The following HOXA3 variants were observed in gnomAD, a reference collection of about 807,000 sequenced individuals.
HOXA3 encodes homeobox A3, also known as homeobox protein Hox-A3.
A neutral mutation model predicts 30.3 loss-of-function variants in HOXA3; 8 were observed. The observed-to-expected ratio is 0.26, with a 90% CI of 0.15 to 0.48. HOXA3 has a LOEUF of 0.48. HOXA3 is among the 20% of genes least tolerant of loss of function. The pLI, the probability that HOXA3 is intolerant of heterozygous loss-of-function variation, is 0.99. For synonymous variants in HOXA3, 323 were observed against 273.1 expected (o/e 1.18, Z -1.80); for missense variants, 653 against 614.4 (o/e 1.06, Z -0.66).
At chr7:27,151,807 C>A (rs146378191) in intron 1 of HOXA3, 25 of 398,036 alleles carry the variant, frequency 6.3e-5, no homozygotes, top group Non-Finnish European at 1.1e-4. Context: ...CTCTTCCCAC[C>A]TTCCCAGGTC....
chr7:27,151,929 T>C (rs551155215), intron 1 of HOXA3, among the ~76,000 whole-genome samples: 9 of 152,126 alleles, frequency 5.9e-5, no homozygotes, highest in African/African-American at 2.2e-4. Flanking sequence ...GCCGGGCCAC[T>C]TCCTTTTGGG....
At chr7:27,138,105 C>T (rs1378938095) in intron 2 of HOXA3, among the ~76,000 whole-genome samples, 3 of 152,180 alleles carry the variant, frequency 2.0e-5, no homozygotes, top group African/African-American at 4.8e-5. Context: ...AGACACATAA[C>T]ATTATAAAAG....
intron 1 of HOXA3, chr7:27,142,904 G>C: frequency 1.3e-6 from 1 of 744,100 alleles, no homozygotes; most frequent in Non-Finnish European, 2.2e-6. Context: ...AGGAAGGCAG[G>C]GGAGGGAGAA....
rs375328758 is a variant in HOXA3, at chr7:27,134,573, G to A, written c.-390+5510C>T. 4.6e-5 allele frequency among the ~76,000 whole-genome samples: 7 copies of A among 152,290 alleles called. No homozygotes were observed. In the East Asian group the frequency reaches 5.8e-4, roughly 13 times the overall value. On this transcript the variant is annotated intron_variant, in intron 2 of 5. Transcript: ENST00000612286. ...CACGTAATTGTCTTGTTGACTCATC[G>A]AGGGGTTTCAGTTTTCCTCATTTCA...
rs1562714438 is a variant in HOXA3, at chr7:27,114,827, A to AT, written c.-120-4068_-120-4067insA. On this transcript the variant is annotated intron_variant, in intron 4 of 5. Coordinates refer to ENST00000612286, the MANE Select transcript of HOXA3 (RefSeq NM_153631.3). ...ATTCCTAAAACATACATATATATAT[A>AT]ATATATATTATATATATAATATATA... 4.1e-5 allele frequency among the ~76,000 whole-genome samples: 4 copies of AT among 98,498 alleles called. 1 individual carries two copies. Among genetic ancestry groups the AT allele is most frequent in the South Asian group, 2.9e-4 (1 of 3,414 alleles). 64.6% of individuals were successfully genotyped at this position (98,498 alleles called of 152,430 possible). A position where few individuals can be genotyped will look rare whatever the true frequency, so the allele number is the denominator to read the frequency against.
At chr7:27,141,139 C>CAAAAAAA in intron 1 of HOXA3, 1 of 122,208 alleles carries the variant, frequency 8.2e-6, no homozygotes, top group African/African-American at 3.1e-5. Flanking sequence ...AAAAAAAAAG[C>CAAAAAAA]TGATCACAGT....
intron 1 of HOXA3, chr7:27,143,432 G>A (rs1420599325): frequency 6.2e-7 from 1 of 1,612,986 alleles, no homozygotes; most frequent in Admixed American, 1.7e-5. Context: ...GCCGGAGCCC[G>A]AGCGGCCGAC....
At chr7:27,143,805 T>G in intron 1 of HOXA3, 5 of 1,009,192 alleles carry the variant, frequency 5.0e-6, no homozygotes, top group East Asian at 3.5e-5. Context: ...TGATGACCTC[T>G]AGAGGTAAAC....
chr7:27,131,206 C>T (rs939076815), intron 2 of HOXA3, among the ~76,000 whole-genome samples: 1 of 152,236 alleles, frequency 6.6e-6, no homozygotes, highest in Non-Finnish European at 1.5e-5. Context: ...TCAGCGCTGA[C>T]CTCGGGCGCA....
intron 2 of HOXA3, among the ~76,000 whole-genome samples, chr7:27,136,981 G>A (rs1189525794): frequency 6.6e-6 from 1 of 152,148 alleles, no homozygotes; most frequent in African/African-American, 2.4e-5. Context: ...AGAAACCAAA[G>A]GGAGGGAGCC....
intron 5 of HOXA3, 194 bp downstream of exon 5, chr7:27,109,921 G>A: frequency 1.5e-6 from 1 of 647,392 alleles, no homozygotes; most frequent in Non-Finnish European, 2.7e-6. Context: ...GGTCTCTGGT[G>A]TTTTCCAGCC....
At chr7:27,143,197 G>C (rs779252915) in intron 1 of HOXA3, 4 of 1,611,284 alleles carry the variant, frequency 2.5e-6, no homozygotes, top group Non-Finnish European at 2.5e-6. Flanking sequence ...CTCTGCTGCT[G>C]ATGTGGGTGC....
intron 2 of HOXA3, among the ~76,000 whole-genome samples, chr7:27,132,237 TG>T: frequency 6.6e-6 from 1 of 152,352 alleles, no homozygotes; most frequent in South Asian, 2.1e-4. Context: ...GCACCTTAGT[TG>T]ATTTTTCAAA....
chr7:27,117,675 G>A (rs1424915370), intron 4 of HOXA3, among the ~76,000 whole-genome samples: 3 of 152,052 alleles, frequency 2.0e-5, no homozygotes, highest in Non-Finnish European at 4.4e-5. Context: ...CAGCTGCTCC[G>A]GCTGCTCAGG....
intron 1 of HOXA3, chr7:27,147,887 G>C: frequency 2.4e-6 from 2 of 832,588 alleles, no homozygotes; most frequent in Non-Finnish European, 3.6e-6. Context: ...AGCTGACGCG[G>C]CGGCGGCCAA....
intron 2 of HOXA3, among the ~76,000 whole-genome samples, chr7:27,139,622 T>C (rs372609106): frequency 4.6e-5 from 7 of 152,270 alleles, no homozygotes; most frequent in Admixed American, 2.0e-4. Flanking sequence ...TTCAAACTCC[T>C]GAGCGCAGCG....
intron 1 of HOXA3, among the ~76,000 whole-genome samples, chr7:27,140,778 T>C (rs1782539543): frequency 6.6e-6 from 1 of 152,170 alleles, no homozygotes; most frequent in Non-Finnish European, 1.5e-5. Context: ...TTTCTTGCTC[T>C]TTCTCTCTTT....
At chr7:27,130,254 G>A in intron 2 of HOXA3, 2 of 1,236,540 alleles carry the variant, frequency 1.6e-6, no homozygotes, top group Non-Finnish European at 2.0e-6. Context: ...GGGTGGCGGG[G>A]GCCGCCTCGC....
In HOXA3 at chr7:27,107,377, AT is replaced by A. The variant is rs1336904258; in HGVS notation, c.*537del. The A allele has an allele frequency of 2.0e-5, 3 of 152,342 alleles. No individual in the cohort carries two copies. Among genetic ancestry groups the A allele is most frequent in the African/African-American group, 4.8e-5 (2 of 41,574 alleles). 9.4% of individuals were successfully genotyped at this position (152,342 alleles called of 1,614,324 possible). A position where few individuals can be genotyped will look rare whatever the true frequency, so the allele number is the denominator to read the frequency against. On this transcript the variant is annotated 3_prime_UTR_variant, in exon 6 of 6. Coordinates refer to ENST00000612286, the MANE Select transcript of HOXA3 (RefSeq NM_153631.3). ...TAGATTATTCAATGCTTGCAAAAAA[AT>A]ATAAATAAATCTGACTGTTCACCAG... is the stretch of plus-strand genomic sequence containing the variant.
Sources: allele counts gnomAD v4.1 joint callset (sites outside exome capture counted in the v4.1 genomes callset), GRCh38; gene constraint gnomAD v4.1.1; transcripts MANE v1.5; gene names NCBI Gene and HGNC (gene_info 2026-07-23, HGNC 2026-07-21).